MOB3B: variants seen among roughly 807,000 people sequenced by gnomAD.
MOB3B encodes the protein MOB kinase activator 3B.
Under a neutral mutation model 18.7 loss-of-function variants are expected in MOB3B, and 7 were observed. The ratio of observed to expected loss-of-function variants is 0.37; its 90% CI spans 0.21 to 0.70. The LOEUF is 0.70. Among genes scored for constraint, MOB3B ranks in the 30% least tolerant of loss-of-function variants. MOB3B has a pLI of 0.52. For missense variants in MOB3B, 253 were observed against 281.3 expected (o/e 0.90, Z 0.72); for synonymous variants, 111 against 99.9 (o/e 1.11, Z -0.66).
chr9:27,458,517 GTT>G (rs34061911), intron 1 of MOB3B, among the ~76,000 whole-genome samples: 17,550 of 127,904 alleles, frequency 0.14, 893 homozygotes, highest in African/African-American at 0.17. Context: ...TTGAAGATAT[GTT>G]TTTTTTTTTT....
At chr9:27,507,556 T>A (rs1342363192) in intron 1 of MOB3B, among the ~76,000 whole-genome samples, 1 of 152,196 alleles carries the variant, frequency 6.6e-6, no homozygotes, top group Non-Finnish European at 1.5e-5. Flanking sequence ...TCAGTTGATT[T>A]CTTGGTTATT....
intron 2 of MOB3B, among the ~76,000 whole-genome samples, chr9:27,390,894 G>T (rs553659513): frequency 6.6e-6 from 1 of 152,040 alleles, no homozygotes. Flanking sequence ...CTTCCTCCCC[G>T]CTTCCACCAC....
intron 2 of MOB3B, among the ~76,000 whole-genome samples, chr9:27,431,524 T>C (rs539783791): frequency 2.2e-4 from 34 of 152,212 alleles, no homozygotes; most frequent in Non-Finnish European, 4.0e-4. Context: ...TGACCTTAAG[T>C]GGCAGCAAGA....
intron 2 of MOB3B, among the ~76,000 whole-genome samples, chr9:27,367,895 A>G (rs1180144089): frequency 6.6e-6 from 1 of 152,110 alleles, no homozygotes; most frequent in African/African-American, 2.4e-5. Flanking sequence ...ATCCTTTGGG[A>G]CCCCTGATGG....
chr9:27,431,951 T>C (rs1285657241), intron 2 of MOB3B, among the ~76,000 whole-genome samples: 1 of 152,174 alleles, frequency 6.6e-6, no homozygotes, highest in Non-Finnish European at 1.5e-5. Context: ...ACCTCTAGCA[T>C]ATGCTGGAAT....
intron 1 of MOB3B, among the ~76,000 whole-genome samples, chr9:27,462,612 G>C (rs1285845110): frequency 1.3e-5 from 2 of 152,188 alleles, no homozygotes; most frequent in Non-Finnish European, 2.9e-5. Context: ...CTGGGATAAA[G>C]GTCATTGTCA....
intron 2 of MOB3B, among the ~76,000 whole-genome samples, chr9:27,359,608 A>G (rs945159585): frequency 7.2e-5 from 11 of 152,332 alleles, no homozygotes; most frequent in Non-Finnish European, 5.9e-5. Context: ...GAGTCAAAAT[A>G]AAACATCTCT....
At chr9:27,380,783 C>A (rs1480582185) in intron 2 of MOB3B, among the ~76,000 whole-genome samples, 2 of 151,886 alleles carry the variant, frequency 1.3e-5, no homozygotes, top group East Asian at 1.9e-4. Context: ...CCCACCACCC[C>A]CTCATAGTTC....
chr9:27,483,156 G>A (rs545233661), intron 1 of MOB3B, among the ~76,000 whole-genome samples: 117 of 104,202 alleles, frequency 1.1e-3, no homozygotes, highest in African/African-American at 4.2e-3. Flanking sequence ...TTTTTGAGAC[G>A]GAGTCTTGCT....
At chr9:27,489,817 C>A (rs1159071894) in intron 1 of MOB3B, among the ~76,000 whole-genome samples, 1 of 141,822 alleles carries the variant, frequency 7.1e-6, no homozygotes, top group Non-Finnish European at 1.5e-5. Context: ...TACAAGAATA[C>A]ACAAACTAAC....
intron 2 of MOB3B, among the ~76,000 whole-genome samples, chr9:27,436,323 C>T (rs1295358037): frequency 1.3e-5 from 2 of 152,232 alleles, no homozygotes; most frequent in Non-Finnish European, 2.9e-5. Flanking sequence ...ATGTGCCTGG[C>T]ACTATCTAGG....
At chr9:27,433,307 T>C (rs17696166) in intron 2 of MOB3B, among the ~76,000 whole-genome samples, 30,117 of 152,066 alleles carry the variant, frequency 0.2, 3,235 homozygotes, top group Middle Eastern at 0.27. Flanking sequence ...TTTCTAGCTC[T>C]GAACACATTT....
rs192590381 is a variant in MOB3B, at chr9:27,440,245, G to T, written c.418+14888C>A. Among the ~76,000 whole-genome samples, 13 of 152,282 alleles carry T rather than the reference G, an allele frequency of 8.5e-5. No individual in the cohort carries two copies. In the East Asian group the frequency reaches 2.3e-3, roughly 27 times the overall value. On this transcript the variant is annotated intron_variant, in intron 2 of 3. Coordinates refer to ENST00000262244, the MANE Select transcript of MOB3B (RefSeq NM_024761.5). ...AATGTGGCCATGTCTCTTTAATGCT[G>T]ACTGATGTTCAACTACATCACAGTG...
At chr9:27,437,438 A>G (rs775337227) in intron 2 of MOB3B, among the ~76,000 whole-genome samples, 1 of 152,158 alleles carries the variant, frequency 6.6e-6, no homozygotes, top group Admixed American at 6.5e-5. Context: ...ACTAATGACA[A>G]CTTTCCTATC....
chr9:27,421,386 C>T (rs976523657), intron 2 of MOB3B: 2 of 152,712 alleles, frequency 1.3e-5, no homozygotes, highest in African/African-American at 4.8e-5. Context: ...GCCAACATGC[C>T]CGGCCACTCT....
chr9:27,514,720 C>T (rs1476431996), intron 1 of MOB3B, among the ~76,000 whole-genome samples: 1 of 152,290 alleles, frequency 6.6e-6, no homozygotes, highest in East Asian at 1.9e-4. Flanking sequence ...TGAAGAAATG[C>T]TATCCCAAGC....
At chr9:27,454,768 C>A (rs950846594) in intron 2 of MOB3B, among the ~76,000 whole-genome samples, 6 of 152,266 alleles carry the variant, frequency 3.9e-5, no homozygotes, top group African/African-American at 1.4e-4. Flanking sequence ...GATATAAATA[C>A]CAGTAACTGC....
intron 1 of MOB3B, among the ~76,000 whole-genome samples, chr9:27,473,482 G>C (rs1273650345): frequency 6.6e-6 from 1 of 152,098 alleles, no homozygotes; most frequent in African/African-American, 2.4e-5. Context: ...AGCTGGACAA[G>C]CAGAGAGGGA....
chr9:27,503,932 C>G (rs376680489), intron 1 of MOB3B, among the ~76,000 whole-genome samples: 1 of 152,218 alleles, frequency 6.6e-6, no homozygotes, highest in Admixed American at 6.5e-5. Context: ...GGCTCCAGAG[C>G]CCCCTGTGCA....
Sources: allele counts gnomAD v4.1 joint callset (sites outside exome capture counted in the v4.1 genomes callset), GRCh38; gene constraint gnomAD v4.1.1; transcripts MANE v1.5; gene names NCBI Gene and HGNC (gene_info 2026-07-23, HGNC 2026-07-21).